AFG2A: variants seen among roughly 807,000 people sequenced by gnomAD.
AFG2A encodes the protein ATPase family gene 2 protein homolog A.
the AFG2A span, among the ~76,000 whole-genome samples, chr4:123,024,855 T>C: frequency 6.6e-6 from 1 of 152,192 alleles, no homozygotes; most frequent in Non-Finnish European, 1.5e-5. Context: ...CTGCAGGTGC[T>C]ACTGGATGGA....
the AFG2A span, chr4:122,947,196 T>C: frequency 6.7e-7 from 1 of 1,489,758 alleles, no homozygotes; most frequent in Admixed American, 2.4e-5. Flanking sequence ...TTTCTAACTT[T>C]CAGAAAAATA....
At chr4:123,095,308 A>G in the AFG2A span, among the ~76,000 whole-genome samples, 2 of 151,954 alleles carry the variant, frequency 1.3e-5, no homozygotes, top group African/African-American at 4.8e-5. Context: ...TTTTAACTAT[A>G]CTTTTGTTAC....
At chr4:122,935,201 T>C in the AFG2A span, among the ~76,000 whole-genome samples, 1 of 152,224 alleles carries the variant, frequency 6.6e-6, no homozygotes, top group Non-Finnish European at 1.5e-5. Flanking sequence ...ATATATTTGC[T>C]GTGTCTGATC....
chr4:123,231,793 A>G, the AFG2A span, among the ~76,000 whole-genome samples: 1 of 151,904 alleles, frequency 6.6e-6, no homozygotes, highest in African/African-American at 2.4e-5. Context: ...GCCTAATTTC[A>G]TTATTATTGT....
At chr4:123,142,382 G>A in the AFG2A span, among the ~76,000 whole-genome samples, 3 of 152,084 alleles carry the variant, frequency 2.0e-5, no homozygotes, top group African/African-American at 4.8e-5. Flanking sequence ...GCCTAGTCTA[G>A]CATGGTTCCT....
chr4:123,180,976 C>T, the AFG2A span, among the ~76,000 whole-genome samples: 2 of 117,296 alleles, frequency 1.7e-5, no homozygotes, highest in African/African-American at 5.4e-5. Flanking sequence ...CCTCCTCCCC[C>T]TCTTTTTTTT....
At chr4:123,071,311 T>A in the AFG2A span, among the ~76,000 whole-genome samples, 1 of 152,080 alleles carries the variant, frequency 6.6e-6, no homozygotes, top group Admixed American at 6.6e-5. Flanking sequence ...AGAAACCCCG[T>A]CTCTACTAAA....
the AFG2A span, among the ~76,000 whole-genome samples, chr4:123,262,704 G>A: frequency 1.3e-5 from 2 of 152,172 alleles, no homozygotes; most frequent in Non-Finnish European, 2.9e-5. Context: ...GCTACCTAAA[G>A]TTAGGAACCT....
At chr4:122,949,255 C>T in the AFG2A span, among the ~76,000 whole-genome samples, 1 of 152,182 alleles carries the variant, frequency 6.6e-6, no homozygotes, top group African/African-American at 2.4e-5. Flanking sequence ...TGCTGTCATC[C>T]ACTCTAGCCC....
the AFG2A span, among the ~76,000 whole-genome samples, chr4:123,248,772 A>G: frequency 6.6e-6 from 1 of 150,818 alleles, no homozygotes; most frequent in African/African-American, 2.5e-5. Context: ...TGACTTTTCA[A>G]TCTATTATTC....
At chr4:123,238,840 C>T in the AFG2A span, among the ~76,000 whole-genome samples, 3 of 152,156 alleles carry the variant, frequency 2.0e-5, no homozygotes, top group Admixed American at 6.5e-5. Flanking sequence ...ATGACTTTGA[C>T]GAGCTGACAG....
At chr4:123,142,307 C>T in the AFG2A span, among the ~76,000 whole-genome samples, 1 of 152,090 alleles carries the variant, frequency 6.6e-6, no homozygotes, top group South Asian at 2.1e-4. Flanking sequence ...GTAGTTACTA[C>T]AGTGCTATCA....
At chr4:122,934,660 G>C in the AFG2A span, 3 of 1,609,770 alleles carry the variant, frequency 1.9e-6, no homozygotes, top group Non-Finnish European at 1.7e-6. Flanking sequence ...CATGATAGGA[G>C]GATTAAGTAG....
At chr4:123,058,375 A>G in the AFG2A span, among the ~76,000 whole-genome samples, 1,338 of 152,320 alleles carry the variant, frequency 8.8e-3, 52 homozygotes, top group Admixed American at 0.073. Flanking sequence ...CTGTAATCCC[A>G]GCACTTTGGC....
chr4:123,085,374 T>C, the AFG2A span, among the ~76,000 whole-genome samples: 9 of 152,214 alleles, frequency 5.9e-5, no homozygotes, highest in Non-Finnish European at 1.3e-4. Context: ...CACGTTTTGC[T>C]GATTTGTTGT....
At chr4:122,996,506 T>A in the AFG2A span, among the ~76,000 whole-genome samples, 1 of 151,888 alleles carries the variant, frequency 6.6e-6, no homozygotes, top group South Asian at 2.1e-4. Context: ...GATGGATAGA[T>A]GGGTGGATGG....
chr4:123,068,085 G>T, the AFG2A span, among the ~76,000 whole-genome samples: 9 of 152,116 alleles, frequency 5.9e-5, no homozygotes, highest in African/African-American at 2.2e-4. Context: ...TATATTAGCT[G>T]TACATTTTCC....
At chr4:123,262,314 A>G in the AFG2A span, among the ~76,000 whole-genome samples, 3 of 152,178 alleles carry the variant, frequency 2.0e-5, no homozygotes, top group Non-Finnish European at 4.4e-5. Context: ...TCATATTTTC[A>G]TATACATTAT....
chr4:123,027,998 G>A, the AFG2A span, among the ~76,000 whole-genome samples: 2 of 149,972 alleles, frequency 1.3e-5, no homozygotes, highest in Admixed American at 1.3e-4. Flanking sequence ...TTTACAATAT[G>A]CAGTTCACAT....
Sources: gnomAD v4.1 joint callset for allele counts (sites outside exome capture counted in the v4.1 genomes callset) on GRCh38, gnomAD v4.1.1 for gene constraint, MANE v1.5 for transcripts, NCBI Gene and HGNC (gene_info 2026-07-23, HGNC 2026-07-21) for gene names.